The following MARCHF1 variants were observed in gnomAD, a reference collection of about 807,000 sequenced individuals.
The protein encoded by MARCHF1 is E3 ubiquitin-protein ligase MARCHF1.
A neutral mutation model predicts 54.2 loss-of-function variants in MARCHF1; 40 were observed. That is an observed-to-expected ratio of 0.74 (90% CI 0.57 to 0.96). The LOEUF (loss-of-function observed/expected upper bound fraction) is 0.96, where lower values mean the gene tolerates loss of function less well. MARCHF1 is among the 40% of genes least tolerant of loss of function. The pLI, the probability that MARCHF1 is intolerant of heterozygous loss-of-function variation, is 0.00. For synonymous variants in MARCHF1, 236 were observed against 236.3 expected, an observed-to-expected ratio of 1.00 and a Z score of 0.01; for missense variants, 586 against 656.5, an observed-to-expected ratio of 0.89 and a Z score of 1.17.
chr4:164,076,521 T>C (rs963531294), intron 2 of MARCHF1, among the ~76,000 whole-genome samples: 1 of 152,162 alleles, frequency 6.6e-6, no homozygotes, highest in South Asian at 2.1e-4. Flanking sequence ...TTCAACATAG[T>C]GTTGGAAGTT....
chr4:163,895,657 C>T (rs1750789559), intron 3 of MARCHF1, among the ~76,000 whole-genome samples: 1 of 152,140 alleles, frequency 6.6e-6, no homozygotes, highest in South Asian at 2.1e-4. Flanking sequence ...TTAGCGAGGT[C>T]TGTTTATGCT....
At chr4:163,966,774 C>A (rs774474453) in intron 3 of MARCHF1, among the ~76,000 whole-genome samples, 6 of 152,098 alleles carry the variant, frequency 3.9e-5, no homozygotes, top group Non-Finnish European at 8.8e-5. Context: ...TCTCCGGTAG[C>A]ACAGCTGAGT....
intron 2 of MARCHF1, among the ~76,000 whole-genome samples, chr4:164,008,963 T>C (rs1753357185): frequency 6.6e-6 from 1 of 151,866 alleles, no homozygotes; most frequent in East Asian, 1.9e-4. Flanking sequence ...ATACATATTC[T>C]TTAGAGCAGA....
chr4:164,312,615 C>A (rs564761951), intron 1 of MARCHF1, among the ~76,000 whole-genome samples: 1 of 152,070 alleles, frequency 6.6e-6, no homozygotes, highest in South Asian at 2.1e-4. Context: ...GCCACCGCAC[C>A]CGGCCGAATT....
At chr4:164,037,294 T>C (rs920763194) in intron 2 of MARCHF1, among the ~76,000 whole-genome samples, 10 of 152,126 alleles carry the variant, frequency 6.6e-5, no homozygotes, top group Non-Finnish European at 1.2e-4. Context: ...TTTAAAGTCA[T>C]GCCACTAGCT....
chr4:164,320,405 C>G (rs971519049), intron 1 of MARCHF1, among the ~76,000 whole-genome samples: 1 of 152,054 alleles, frequency 6.6e-6, no homozygotes, highest in Admixed American at 6.6e-5. Context: ...ATTACTGCTC[C>G]TCAAATGATG....
intron 1 of MARCHF1, among the ~76,000 whole-genome samples, chr4:164,351,444 G>T (rs1730329524): frequency 6.6e-6 from 1 of 150,742 alleles, no homozygotes; most frequent in African/African-American, 2.4e-5. Flanking sequence ...CCTCAAGTGG[G>T]TCCCTGACCC....
chr4:164,224,270 C>T (rs1732191877), intron 1 of MARCHF1, among the ~76,000 whole-genome samples: 1 of 151,028 alleles, frequency 6.6e-6, no homozygotes, highest in South Asian at 2.1e-4. Context: ...TTTAGCTCAT[C>T]ATCTACCATT....
intron 2 of MARCHF1, among the ~76,000 whole-genome samples, chr4:164,094,764 AAC>A (rs1197916769): frequency 6.6e-6 from 1 of 152,210 alleles, no homozygotes; most frequent in Non-Finnish European, 1.5e-5. Context: ...AAATTTAAAA[AAC>A]ACAATGATTA....
At chr4:164,365,970 T>C (rs1447517273) in intron 1 of MARCHF1, among the ~76,000 whole-genome samples, 1 of 151,968 alleles carries the variant, frequency 6.6e-6, no homozygotes, top group African/African-American at 2.4e-5. Flanking sequence ...TGATCATCTC[T>C]CTCCCCTCTG....
intron 3 of MARCHF1, among the ~76,000 whole-genome samples, chr4:163,958,475 A>C (rs1752275843): frequency 6.6e-6 from 1 of 152,014 alleles, no homozygotes; most frequent in African/African-American, 2.4e-5. Flanking sequence ...ATAAATGAAT[A>C]CTTTTTTTGT....
intron 4 of MARCHF1, among the ~76,000 whole-genome samples, chr4:163,846,913 AG>A (rs1749499131): frequency 6.6e-6 from 1 of 152,188 alleles, no homozygotes; most frequent in African/African-American, 2.4e-5. Context: ...CAGCTTGAGC[AG>A]AGCACAATGG....
At chr4:164,054,404 A>T (rs1048142986) in intron 2 of MARCHF1, among the ~76,000 whole-genome samples, 1 of 151,522 alleles carries the variant, frequency 6.6e-6, no homozygotes, top group Non-Finnish European at 1.5e-5. Flanking sequence ...ATACCATTTG[A>T]CCCAGCCATC....
intron 1 of MARCHF1, among the ~76,000 whole-genome samples, chr4:164,331,739 A>G (rs2110805853): frequency 6.6e-6 from 1 of 152,320 alleles, no homozygotes; most frequent in East Asian, 1.9e-4. Context: ...AATTTTAAGT[A>G]TGCTGATAAA....
chr4:164,176,970 C>CTATATA (rs1553989360), intron 1 of MARCHF1, among the ~76,000 whole-genome samples: 2 of 57,444 alleles, frequency 3.5e-5, no homozygotes, highest in African/African-American at 1.6e-4. Context: ...CTCTCTCTCT[C>CTATATA]TCTCTCTCTC....
chr4:163,862,195 A>T (rs908303386), intron 3 of MARCHF1, among the ~76,000 whole-genome samples: 3 of 152,114 alleles, frequency 2.0e-5, no homozygotes, highest in Non-Finnish European at 4.4e-5. Context: ...CATGAAAGAA[A>T]AAATGTTGAT....
intron 1 of MARCHF1, among the ~76,000 whole-genome samples, chr4:164,283,561 C>T (rs1734076754): frequency 1.3e-5 from 2 of 151,004 alleles, no homozygotes; most frequent in Non-Finnish European, 2.9e-5. Flanking sequence ...CCCTTTGAGA[C>T]ATTTTGATAT....
chr4:164,041,190 G>A (rs921555342), intron 2 of MARCHF1, among the ~76,000 whole-genome samples: 2 of 151,978 alleles, frequency 1.3e-5, no homozygotes, highest in African/African-American at 4.8e-5. Flanking sequence ...ACCGAGAATT[G>A]CATGGCATGA....
intron 9 of MARCHF1, among the ~76,000 whole-genome samples, chr4:163,535,721 CAG>C (rs1184371469): frequency 1.3e-5 from 2 of 150,488 alleles, no homozygotes; most frequent in South Asian, 2.1e-4. Context: ...ATTCTCTATG[CAG>C]AGAGTCCATG....
Sources: allele counts gnomAD v4.1 joint callset (sites outside exome capture counted in the v4.1 genomes callset), GRCh38; gene constraint gnomAD v4.1.1; transcripts MANE v1.5; gene names NCBI Gene and HGNC (gene_info 2026-07-23, HGNC 2026-07-21).